NR5A2: variants seen among roughly 807,000 people sequenced by gnomAD.
The protein encoded by NR5A2 is nuclear receptor subfamily 5 group A member 2.
Under a neutral mutation model 62.7 loss-of-function variants are expected in NR5A2, and 26 were observed. The observed-to-expected ratio is 0.41, with a 90% CI of 0.30 to 0.58. NR5A2 has a LOEUF of 0.58. Ranked by LOEUF, NR5A2 falls within the 20% of genes least tolerant of loss-of-function variation. The pLI, the probability that NR5A2 is intolerant of heterozygous loss-of-function variation, is 0.22. For synonymous variants in NR5A2, 246 were observed against 241.7 expected, an observed-to-expected ratio of 1.02 and a Z score of -0.16; for missense variants, 541 against 669.1, an observed-to-expected ratio of 0.81 and a Z score of 2.11.
intron 5 of NR5A2, among the ~76,000 whole-genome samples, chr1:200,054,430 T>C (rs187516149): frequency 6.6e-6 from 1 of 152,336 alleles, no homozygotes; most frequent in East Asian, 1.9e-4. Flanking sequence ...ATTCCCACTT[T>C]GTTAAACAAC....
intron 7 of NR5A2, among the ~76,000 whole-genome samples, chr1:200,144,304 C>A (rs146972095): frequency 6.6e-6 from 1 of 151,822 alleles, no homozygotes; most frequent in East Asian, 1.9e-4. Flanking sequence ...CTCCTAAAGC[C>A]TTGTGCCGTG....
intron 7 of NR5A2, among the ~76,000 whole-genome samples, chr1:200,133,538 T>C (rs534927524): frequency 0.016 from 859 of 52,484 alleles, 6 homozygotes; most frequent in Non-Finnish European, 0.029. Context: ...CACACACATA[T>C]ATATATATAC....
intron 5 of NR5A2, among the ~76,000 whole-genome samples, chr1:200,086,961 C>G (rs1664557420): frequency 6.6e-6 from 1 of 152,114 alleles, no homozygotes; most frequent in African/African-American, 2.4e-5. Flanking sequence ...ATCACTTGAA[C>G]CTGGGAGGTG....
At chr1:200,066,352 C>T (rs1002088501) in intron 5 of NR5A2, among the ~76,000 whole-genome samples, 4 of 151,852 alleles carry the variant, frequency 2.6e-5, no homozygotes, top group South Asian at 4.2e-4. Flanking sequence ...GGGAACCAGA[C>T]CATCTAGGGG....
chr1:200,050,102 G>A (rs1662556004), intron 5 of NR5A2, among the ~76,000 whole-genome samples: 2 of 152,178 alleles, frequency 1.3e-5, no homozygotes, highest in South Asian at 4.1e-4. Flanking sequence ...CAAAGGGCAA[G>A]CAGAATGCAC....
chr1:200,094,656 C>G (rs1411452787), intron 5 of NR5A2, among the ~76,000 whole-genome samples: 1 of 150,832 alleles, frequency 6.6e-6, no homozygotes, highest in African/African-American at 2.4e-5. Flanking sequence ...CCTCAGCCTC[C>G]CGAGTAGCTG....
intron 5 of NR5A2, among the ~76,000 whole-genome samples, chr1:200,071,477 A>G (rs1379860379): frequency 1.2e-4 from 18 of 152,210 alleles, no homozygotes. Flanking sequence ...CAGTGCCCAA[A>G]ATCTGTTGTT....
At chr1:200,068,570 G>A (rs990953057) in intron 5 of NR5A2, among the ~76,000 whole-genome samples, 4 of 152,146 alleles carry the variant, frequency 2.6e-5, no homozygotes, top group Middle Eastern at 3.4e-3. Flanking sequence ...CCAGCTTTGC[G>A]GACTCTAAAT....
intron 6 of NR5A2, among the ~76,000 whole-genome samples, chr1:200,113,885 T>TA (rs1176549836): frequency 6.6e-6 from 1 of 151,898 alleles, no homozygotes; most frequent in Non-Finnish European, 1.5e-5. Context: ...AGAGGATTTA[T>TA]AAAAAAGAAA....
intron 7 of NR5A2, among the ~76,000 whole-genome samples, chr1:200,162,675 A>AAG (rs1230138492): frequency 6.6e-6 from 1 of 152,210 alleles, no homozygotes; most frequent in Non-Finnish European, 1.5e-5. Context: ...GGACAGATTC[A>AAG]AGACGCAATT....
At chr1:200,109,781 T>C (rs917712581) in intron 5 of NR5A2, among the ~76,000 whole-genome samples, 2 of 152,298 alleles carry the variant, frequency 1.3e-5, no homozygotes, top group African/African-American at 4.8e-5. Flanking sequence ...AATTCTTATT[T>C]TGAGATGGAA....
intron 7 of NR5A2, among the ~76,000 whole-genome samples, chr1:200,141,549 AC>A (rs1387183754): frequency 6.6e-6 from 1 of 152,216 alleles, no homozygotes; most frequent in Non-Finnish European, 1.5e-5. Flanking sequence ...GTTTTGGGGT[AC>A]TACAAATAAG....
intron 5 of NR5A2, among the ~76,000 whole-genome samples, chr1:200,050,861 G>A (rs937141835): frequency 1.3e-4 from 20 of 152,142 alleles, no homozygotes; most frequent in African/African-American, 3.4e-4. Context: ...CATTGCACTC[G>A]AGCCTGGGTG....
intron 5 of NR5A2, among the ~76,000 whole-genome samples, chr1:200,110,823 C>T (rs368722135): frequency 3.7e-4 from 56 of 152,282 alleles, no homozygotes; most frequent in African/African-American, 1.0e-3. Context: ...CTTTTAGATA[C>T]ATAAGCATAG....
At chr1:200,063,846 C>G (rs1011151031) in intron 5 of NR5A2, among the ~76,000 whole-genome samples, 6 of 152,202 alleles carry the variant, frequency 3.9e-5, no homozygotes, top group South Asian at 4.1e-4. Flanking sequence ...TACTGTGTGT[C>G]AATCCCTATG....
chr1:200,094,722 C>T lies in NR5A2; in HGVS notation c.1111-16480C>T, dbSNP rs961511552. On this transcript the variant is annotated intron_variant, in intron 5 of 7. Coordinates refer to ENST00000367362, the MANE Select transcript of NR5A2 (RefSeq NM_205860.3). ...TTATTTTTTGTATTTTTAGTAGAGACGGGGTTTCGCTGTGCTAGCCAGGAT... is the reference window on the plus strand; with the variant it reads ...TTATTTTTTGTATTTTTAGTAGAGATGGGGTTTCGCTGTGCTAGCCAGGAT... Among the ~76,000 whole-genome samples the T allele has an allele frequency of 1.8e-4, 27 of 151,362 alleles. 1 individual carries two copies. Among genetic ancestry groups the T allele is most frequent in the East Asian group, 5.9e-4 (3 of 5,080 alleles).
chr1:200,176,102 T>C lies in NR5A2; in HGVS notation c.*1892T>C, dbSNP rs185294707. 3 of 152,802 alleles carry C rather than the reference T, an allele frequency of 2.0e-5. No individual in the cohort carries two copies. In the East Asian group the frequency reaches 5.8e-4, roughly 29 times the overall value. 9.5% of individuals were successfully genotyped at this position (152,802 alleles called of 1,614,324 possible). ...TCTTAATGAATTAAAATCATTCACTTGATTAAATGTCTGTAAATCTTCATC... is the reference window on the plus strand; with the variant it reads ...TCTTAATGAATTAAAATCATTCACTCGATTAAATGTCTGTAAATCTTCATC... On this transcript the variant is annotated 3_prime_UTR_variant, in exon 8 of 8. Transcript: ENST00000367362.
At chr1:200,167,463 A>G (rs1198308090) in intron 7 of NR5A2, among the ~76,000 whole-genome samples, 2 of 151,830 alleles carry the variant, frequency 1.3e-5, no homozygotes, top group African/African-American at 4.8e-5. Context: ...CGTATTTCTC[A>G]TCTGTGTTCC....
chr1:200,135,453 G>GGAGGTTGCGGCAAGCC lies in NR5A2; in HGVS notation c.1378+14499_1378+14514dup, dbSNP rs1192800420. ...GGAGAATCGCTTGAACCTGGGAGGT[G>GGAGGTTGCGGCAAGCC]GAGGTTGCGGCAAGCCAAGATTGCG... On this transcript the variant is annotated intron_variant, in intron 7 of 7. Transcript: ENST00000367362. Among the ~76,000 whole-genome samples, 115 of 152,112 alleles carry GGAGGTTGCGGCAAGCC rather than the reference G, an allele frequency of 7.6e-4. No homozygotes were observed. The Middle Eastern group carries it at 0.014, about 18-fold the overall frequency.
Sources: allele counts gnomAD v4.1 joint callset (sites outside exome capture counted in the v4.1 genomes callset), GRCh38; gene constraint gnomAD v4.1.1; transcripts MANE v1.5; gene names NCBI Gene and HGNC (gene_info 2026-07-23, HGNC 2026-07-21).